ABCA12: variants seen among roughly 807,000 people sequenced by gnomAD.
ABCA12 encodes the protein ATP binding cassette subfamily A member 12, also known as glucosylceramide transporter ABCA12.
ABCA12 carries 156 observed loss-of-function variants against 293.5 expected under a neutral mutation model. That is an observed-to-expected ratio of 0.53 (90% CI 0.47 to 0.61). ABCA12 has a LOEUF of 0.61. Among genes scored for constraint, ABCA12 ranks in the 20% least tolerant of loss-of-function variants. ABCA12 has a pLI of 0.00. For synonymous variants in ABCA12, 1,063 were observed against 1,108.0 expected, an observed-to-expected ratio of 0.96 and a Z score of 0.81; for missense variants, 2,797 against 3,090.2, an observed-to-expected ratio of 0.91 and a Z score of 2.25.
chr2:214,951,007 A>C lies in ABCA12; in HGVS notation c.6724T>G (p.Leu2242Val). Reference protein sequence around the residue: ...DEDEDVRAERLRVESGAAEFD... With the variant: ...DEDEDVRAERVRVESGAAEFD... Reference sequence around the variant, plus strand: ...TCAGCTGCACCACTCTCAACTCTTAATCTCTCAGCCCGCACATCTTCATCC... The same window carrying C: ...TCAGCTGCACCACTCTCAACTCTTACTCTCTCAGCCCGCACATCTTCATCC... The change falls in exon 45 of 53, where the codon TTA becomes GTA. Residue 2242 changes from leucine to valine, a missense_variant. Leu to Val is a conservative substitution (Grantham distance 32). This residue lies in a region of ABCA12 where 2,130 missense variants were observed against 2,427.0 expected (regional missense o/e 0.88). Transcript: ENST00000272895. 6.2e-7 allele frequency: 1 copy of C among 1,614,124 alleles called. No individual in the cohort carries two copies. Among genetic ancestry groups the C allele is most frequent in the Non-Finnish European group, 8.5e-7 (1 of 1,180,006 alleles).
In ABCA12 at chr2:214,980,558, A is replaced by G; in HGVS notation, c.4665T>C (p.Leu1555=). The change falls in exon 31 of 53, where the codon CTT becomes CTC. Residue 1555 remains leucine (L), a synonymous_variant. Transcript: ENST00000272895. ...DRIAFLEQGG[L]RCCGSPFYLK... ...GGTAAAATGGGGACCCACAGCACCT[A>G]AGCCCACCCTGCTCCAGGAAGGCGA... 1 of 1,614,034 alleles carries G rather than the reference A, an allele frequency of 6.2e-7. No individual in the cohort carries two copies. Among genetic ancestry groups the G allele is most frequent in the South Asian group, 1.1e-5 (1 of 91,072 alleles).
chr2:215,087,609 G>T (rs577013394), intron 2 of ABCA12, among the ~76,000 whole-genome samples: 4 of 151,876 alleles, frequency 2.6e-5, no homozygotes, highest in African/African-American at 9.6e-5. Context: ...TTCTTCTTAC[G>T]CTAATAGAGT....
chr2:215,068,882 G>A (rs1701684083), intron 2 of ABCA12, among the ~76,000 whole-genome samples: 2 of 152,126 alleles, frequency 1.3e-5, no homozygotes, highest in Admixed American at 1.3e-4. Flanking sequence ...CACTGGCACT[G>A]TCTAGAGAAG....
At chr2:215,016,916 A>G (rs779542830) in intron 14 of ABCA12, among the ~76,000 whole-genome samples, 24 of 152,304 alleles carry the variant, frequency 1.6e-4, no homozygotes, top group Middle Eastern at 3.4e-3. Flanking sequence ...TCTTGAAAGT[A>G]ATAAGAATGT....
At chr2:215,056,375 C>T (rs1341183308) in intron 3 of ABCA12, among the ~76,000 whole-genome samples, 1 of 152,104 alleles carries the variant, frequency 6.6e-6, no homozygotes, top group Non-Finnish European at 1.5e-5. Flanking sequence ...AAGCAGCTGG[C>T]TCTGCAGCTC....
intron 2 of ABCA12, among the ~76,000 whole-genome samples, chr2:215,065,598 T>A (rs891964439): frequency 1.3e-5 from 2 of 151,956 alleles, no homozygotes; most frequent in Non-Finnish European, 2.9e-5. Context: ...CTGTTGACCT[T>A]AAAGATGGCG....
Position 214,951,038 on chromosome 2 carries a change from T to A in ABCA12, c.6693A>T (p.Ile2231=). ...CAGCCCGCACATCTTCATCCTCATC[T>A]ATTGTCTCCCTTACATGTGAAGAAT... The part of the protein sequence containing the change: ...KFNSSHVRET[I]DEDEDVRAER... The change falls in exon 45 of 53, where the codon ATA becomes ATT. Residue 2231 remains isoleucine (I), a synonymous_variant. Coordinates refer to ENST00000272895, the MANE Select transcript of ABCA12 (RefSeq NM_173076.3). 1 of 1,614,160 alleles carries A rather than the reference T, an allele frequency of 6.2e-7. No homozygotes were observed. Among genetic ancestry groups the A allele is most frequent in the South Asian group, 1.1e-5 (1 of 91,082 alleles).
chr2:215,054,654 T>C lies in ABCA12; in HGVS notation c.328A>G (p.Arg110Gly). 6.2e-7 allele frequency: 1 copy of C among 1,611,356 alleles called. No homozygotes were observed. Among genetic ancestry groups the C allele is most frequent in the Non-Finnish European group, 8.5e-7 (1 of 1,177,996 alleles). The change falls in exon 4 of 53, where the codon AGA (arginine) becomes GGA (glycine). Residue 110 changes from arginine (R) to glycine (G), a missense_variant. Arg to Gly is a moderately radical substitution (Grantham distance 125). Transcript: ENST00000272895. Reference protein sequence around the residue: ...DALFKDSEILRKSSNLDKDSS... With the variant: ...DALFKDSEILGKSSNLDKDSS... ...TCCTTATCCAGGTTGGATGACTTTC[T>C]CAGAATCTCACTAGAGAAGAAAAAG...
chr2:215,035,664 C>CAAAAAA (rs748783341), intron 8 of ABCA12: 3 of 45,662 alleles, frequency 6.6e-5, no homozygotes, highest in African/African-American at 2.1e-4. Context: ...GACTCCATCT[C>CAAAAAA]AAAAAAAAAA....
intron 18 of ABCA12, 41 bp downstream of exon 18, chr2:215,010,290 T>A: frequency 1.2e-6 from 2 of 1,611,354 alleles, no homozygotes; most frequent in Non-Finnish European, 1.7e-6. Context: ...TTAAAAAACA[T>A]CTTAATAGTC....
intron 9 of ABCA12, chr2:215,029,340 A>C (rs771305730): frequency 6.6e-6 from 1 of 152,250 alleles, no homozygotes. Flanking sequence ...CCAATGAGGC[A>C]TCACCGGATA....
intron 1 of ABCA12, among the ~76,000 whole-genome samples, chr2:215,133,191 G>GTTTTTTTTTT (rs1703101125): frequency 2.7e-5 from 1 of 36,802 alleles, no homozygotes; most frequent in African/African-American, 7.8e-5. Context: ...TTTTTTTTTA[G>GTTTTTTTTTT]TATGGACTTT....
Position 215,032,414 on chromosome 2 carries a change from TTGAC to T in ABCA12, c.986-522_986-519del, listed in dbSNP as rs371569851. The T allele has an allele frequency of 1.4e-4, 26 of 185,026 alleles. No individual in the cohort carries two copies. The East Asian group carries it at 2.9e-3, about 20-fold the overall frequency. 11.5% of individuals were successfully genotyped at this position (185,026 alleles called of 1,614,324 possible). A position where few individuals can be genotyped will look rare whatever the true frequency, so the allele number is the denominator to read the frequency against. ...AATTGAATGCAGCTGTGAATGCAAA[TTGAC>T]TGATGTTAACAGAACTGCTCTGAGA... On this transcript the variant is annotated intron_variant, in intron 8 of 52. Transcript: ENST00000272895.
intron 1 of ABCA12, among the ~76,000 whole-genome samples, chr2:215,129,816 C>T (rs1441480417): frequency 6.6e-6 from 1 of 152,056 alleles, no homozygotes; most frequent in Non-Finnish European, 1.5e-5. Context: ...GGCTAATGTC[C>T]AGAAAAGTTT....
intron 2 of ABCA12, among the ~76,000 whole-genome samples, chr2:215,091,052 G>A (rs761660637): frequency 3.9e-5 from 6 of 152,068 alleles, no homozygotes; most frequent in Non-Finnish European, 7.4e-5. Context: ...ATGGTCTGAG[G>A]TGCCTGACGT....
chr2:215,009,275 G>A (rs1448374938), intron 18 of ABCA12, among the ~76,000 whole-genome samples: 2 of 152,094 alleles, frequency 1.3e-5, no homozygotes, highest in African/African-American at 2.4e-5. Context: ...GTTAAATGAT[G>A]AGAACACATG....
rs761667655 is a variant in ABCA12, at chr2:215,010,441, T to C, written c.2362A>G (p.Ile788Val). 1.2e-5 allele frequency: 19 copies of C among 1,613,660 alleles called. No individual in the cohort carries two copies. Among genetic ancestry groups the C allele is most frequent in the Admixed American group, 1.7e-5 (1 of 59,988 alleles). Residue 788 changes from isoleucine to valine, a missense_variant, in exon 18 of 53, where the codon ATC becomes GTC. Transcript: ENST00000272895. ...TPFCFSLYKD[I>V]INMPAGPVIW... ...ACAGGTCCAGCGGGCATGTTAATGA[T>C]GTCTTTATAAAGGGAGAAGCAAAAT...
At chr2:215,119,324 T>C (rs372962423) in intron 1 of ABCA12, among the ~76,000 whole-genome samples, 1 of 152,216 alleles carries the variant, frequency 6.6e-6, no homozygotes, top group East Asian at 1.9e-4. Context: ...TCCCATTTAT[T>C]AATTTTTAGT....
At position 214,968,898 on chromosome 2, in the gene ABCA12, G is replaced by T. The variant is rs6756540; in HGVS notation, c.5691-91C>A. 549,427 of 1,100,596 alleles carry T rather than the reference G, an allele frequency of 0.5. 138,015 individuals carry two copies. Among genetic ancestry groups the T allele is most frequent in the Admixed American group, 0.54 (30,328 of 56,338 alleles). 68.2% of individuals were successfully genotyped at this position (1,100,596 alleles called of 1,614,324 possible). ...TACTTAACGAGGAGCTCAACTTTTT[G>T]TTTCTGTTAGGAACACATTTACAGT... On this transcript the variant is annotated intron_variant, in intron 37 of 52. Coordinates refer to ENST00000272895, the MANE Select transcript of ABCA12 (RefSeq NM_173076.3).
Sources: gnomAD v4.1 joint callset for allele counts (sites outside exome capture counted in the v4.1 genomes callset) on GRCh38, gnomAD v4.1.1 for gene constraint, gnomAD v4.1.1 regional missense constraint, MANE v1.5 for transcripts, NCBI Gene and HGNC (gene_info 2026-07-23, HGNC 2026-07-21) for gene names.